Variants in PRKAR2A observed in about 807,000 individuals in gnomAD.
The protein encoded by PRKAR2A is cAMP-dependent protein kinase type II-alpha regulatory subunit.
A neutral mutation model predicts 51.9 loss-of-function variants in PRKAR2A; 29 were observed. The ratio of observed to expected loss-of-function variants is 0.56; its 90% confidence interval spans 0.42 to 0.76. PRKAR2A has a LOEUF of 0.76. Ranked by LOEUF, PRKAR2A falls within the 30% of genes least tolerant of loss-of-function variation. PRKAR2A has a pLI of 0.00. For missense variants in PRKAR2A, 445 were observed against 512.1 expected (o/e 0.87, Z 1.26); for synonymous variants, 178 against 186.2 (o/e 0.96, Z 0.36).
chr3:48,761,797 T>C (rs1344705021), intron 8 of PRKAR2A, among the ~76,000 whole-genome samples: 1 of 152,160 alleles, frequency 6.6e-6, no homozygotes. Context: ...TATTACTTTT[T>C]AGTAGAGACG....
intron 5 of PRKAR2A, among the ~76,000 whole-genome samples, chr3:48,781,898 G>A (rs535051891): frequency 1.1e-4 from 16 of 151,940 alleles, no homozygotes; most frequent in African/African-American, 2.9e-4. Flanking sequence ...CACCTGCCTC[G>A]GCCTCTCAAA....
chr3:48,765,144 A>C, intron 7 of PRKAR2A, 66 bp from the exon 8 acceptor site: 1 of 1,554,508 alleles, frequency 6.4e-7, no homozygotes, highest in Non-Finnish European at 8.9e-7. Context: ...GCTATGCAGC[A>C]CAGAAATAGG....
intron 4 of PRKAR2A, among the ~76,000 whole-genome samples, chr3:48,788,169 T>C (rs1435241074): frequency 6.6e-6 from 1 of 152,248 alleles, no homozygotes; most frequent in East Asian, 1.9e-4. Context: ...TAGCTGAGAC[T>C]ACAGGTGCGC....
chr3:48,830,523 C>G (rs28523319), intron 1 of PRKAR2A, among the ~76,000 whole-genome samples: 7,172 of 152,058 alleles, frequency 0.047, 573 homozygotes, highest in African/African-American at 0.16. Flanking sequence ...ATACATAAAC[C>G]AATAACATAA....
At chr3:48,837,061 T>C (rs1263714324) in intron 1 of PRKAR2A, among the ~76,000 whole-genome samples, 1 of 151,938 alleles carries the variant, frequency 6.6e-6, no homozygotes, top group African/African-American at 2.4e-5. Flanking sequence ...CTGCAAGGGT[T>C]AGGCTGCAGT....
intron 1 of PRKAR2A, among the ~76,000 whole-genome samples, chr3:48,839,421 C>T (rs139941247): frequency 3.3e-3 from 493 of 148,400 alleles, no homozygotes; most frequent in African/African-American, 0.011. Context: ...AAAAAAAATG[C>T]TGAGAGACCG....
At chr3:48,830,188 A>AGC (rs2083165642) in intron 1 of PRKAR2A, among the ~76,000 whole-genome samples, 1 of 151,218 alleles carries the variant, frequency 6.6e-6, no homozygotes, top group African/African-American at 2.4e-5. Flanking sequence ...GGGCGACAAG[A>AGC]GCGAAGCTCC....
chr3:48,796,230 C>T (rs999455296), intron 2 of PRKAR2A, among the ~76,000 whole-genome samples: 4 of 152,166 alleles, frequency 2.6e-5, no homozygotes, highest in Non-Finnish European at 5.9e-5. Flanking sequence ...TCCACCCTTC[C>T]TCTGCATAAT....
intron 6 of PRKAR2A, among the ~76,000 whole-genome samples, chr3:48,771,568 T>G (rs1038819701): frequency 6.6e-6 from 1 of 152,188 alleles, no homozygotes; most frequent in Non-Finnish European, 1.5e-5. Context: ...TGATTTCATT[T>G]TTTCTTTAAA....
rs533793325 is a variant in PRKAR2A at position 48,767,250 on chromosome 3, A to G, written c.697-1901T>C. On this transcript the variant is annotated intron_variant, in intron 6 of 10. Transcript: ENST00000265563. Reference sequence around the variant, plus strand: ...TCCCAGAACTTTGGGAGGCCGAGGCAGACGGATCGCTTGAGGTCAGGAGTT... The same window carrying G: ...TCCCAGAACTTTGGGAGGCCGAGGCGGACGGATCGCTTGAGGTCAGGAGTT... 2.4e-3 allele frequency among the ~76,000 whole-genome samples: 367 copies of G among 151,928 alleles called. 3 individuals carry two copies. Among genetic ancestry groups the G allele is most frequent in the African/African-American group, 8.4e-3 (349 of 41,460 alleles).
chr3:48,810,321 C>T (rs749099873), intron 1 of PRKAR2A, among the ~76,000 whole-genome samples: 3 of 151,852 alleles, frequency 2.0e-5, no homozygotes, highest in Admixed American at 6.6e-5. Context: ...GAATTGGTTC[C>T]GTAGACCCCC....
At chr3:48,833,364 C>A (rs2083226358) in intron 1 of PRKAR2A, among the ~76,000 whole-genome samples, 1 of 152,096 alleles carries the variant, frequency 6.6e-6, no homozygotes, top group African/African-American at 2.4e-5. Context: ...AATCATATTT[C>A]CTTAAGAAGC....
chr3:48,831,893 C>T lies in PRKAR2A; in HGVS notation c.262+15442G>A, dbSNP rs541163467. On this transcript the variant is annotated intron_variant, in intron 1 of 10. Coordinates refer to ENST00000265563, the MANE Select transcript of PRKAR2A (RefSeq NM_004157.4). ...CCAGTCTTCCAAAGTGCTGGGATTA[C>T]GGGTGTGAGCCACCACAACTGGCCT... 1.1e-4 allele frequency among the ~76,000 whole-genome samples: 16 copies of T among 152,200 alleles called. No individual in the cohort carries two copies. The South Asian group carries it at 1.2e-3, about 12-fold the overall frequency.
At chr3:48,769,332 T>C (rs968457597) in intron 6 of PRKAR2A, among the ~76,000 whole-genome samples, 1 of 151,608 alleles carries the variant, frequency 6.6e-6, no homozygotes, top group Admixed American at 6.6e-5. Context: ...TAATTTTTTG[T>C]ATTTTTAGTA....
chr3:48,795,329 A>G (rs1229642343), intron 2 of PRKAR2A, among the ~76,000 whole-genome samples: 3 of 152,142 alleles, frequency 2.0e-5, no homozygotes, highest in East Asian at 3.8e-4. Flanking sequence ...AATTTTTCAC[A>G]TATTTTAAAA....
Position 48,833,309 on chromosome 3 carries a change from A to G in PRKAR2A, c.262+14026T>C, listed in dbSNP as rs147153830. On this transcript the variant is annotated intron_variant, in intron 1 of 10. Coordinates refer to ENST00000265563, the MANE Select transcript of PRKAR2A (RefSeq NM_004157.4). Reference sequence around the variant, plus strand: ...CCCACCTTGGCCTCCCAAAGTACCAAAATTATAGGCGTGAGCCACTGCACT... The same window carrying G: ...CCCACCTTGGCCTCCCAAAGTACCAGAATTATAGGCGTGAGCCACTGCACT... Among the ~76,000 whole-genome samples, 65 of 152,252 alleles carry G rather than the reference A, an allele frequency of 4.3e-4. No homozygotes were observed. In the East Asian group the frequency reaches 0.01, roughly 24 times the overall value.
intron 9 of PRKAR2A, among the ~76,000 whole-genome samples, chr3:48,754,996 CTTTTTTTTTTTTT>C: frequency 7.9e-6 from 1 of 125,792 alleles, no homozygotes; most frequent in South Asian, 2.6e-4. Context: ...TACTTATTAA[CTTTTTTTTTTTTT>C]TTTTTTGAGA....
chr3:48,780,639 T>C (rs1388539017), intron 5 of PRKAR2A, among the ~76,000 whole-genome samples: 1 of 148,740 alleles, frequency 6.7e-6, no homozygotes, highest in Non-Finnish European at 1.5e-5. Flanking sequence ...CCTCTGAGTG[T>C]AATAATTTGT....
chr3:48,832,019 T>G (rs915662592), intron 1 of PRKAR2A, among the ~76,000 whole-genome samples: 1 of 151,790 alleles, frequency 6.6e-6, no homozygotes, highest in Non-Finnish European at 1.5e-5. Context: ...TTAGGCCGGG[T>G]GGGGCGGCTC....
Sources: gnomAD v4.1 joint callset for allele counts (sites outside exome capture counted in the v4.1 genomes callset) on GRCh38, gnomAD v4.1.1 for gene constraint, MANE v1.5 for transcripts, NCBI Gene and HGNC (gene_info 2026-07-23, HGNC 2026-07-21) for gene names.